Variants in BOLA3 observed in about 807,000 individuals in gnomAD.
BOLA3 encodes bolA-like protein 3.
Under a neutral mutation model 14.5 loss-of-function variants are expected in BOLA3, and 8 were observed. The ratio of observed to expected loss-of-function variants is 0.55; its 90% CI spans 0.32 to 0.99. The LOEUF is 0.99. Among genes scored for constraint, BOLA3 ranks in the 50% least tolerant of loss-of-function variants. The pLI, the probability that BOLA3 is intolerant of heterozygous loss-of-function variation, is 0.04. For synonymous variants in BOLA3, 42 were observed against 45.7 expected (o/e 0.92, Z 0.33); for missense variants, 115 against 138.2 (o/e 0.83, Z 0.84).
chr2:74,138,090 A>G (rs185940588), intron 3 of BOLA3, among the ~76,000 whole-genome samples: 1 of 152,142 alleles, frequency 6.6e-6, no homozygotes, highest in African/African-American at 2.4e-5. Flanking sequence ...CTCTCTGTGC[A>G]GCCCCTGAGG....
chr2:74,138,812 C>T (rs114898105), intron 3 of BOLA3, among the ~76,000 whole-genome samples: 1,767 of 152,286 alleles, frequency 0.012, 29 homozygotes, highest in African/African-American at 0.041. Flanking sequence ...GTGGCAGGCA[C>T]GACGCTGGGC....
chr2:74,146,519 G>A (rs1692548767), intron 1 of BOLA3: 1 of 152,416 alleles, frequency 6.6e-6, no homozygotes, highest in African/African-American at 2.4e-5. Flanking sequence ...TAACCTGCAG[G>A]AAACAGTGCC....
chr2:74,144,036 C>T (rs1359906506), intron 2 of BOLA3, among the ~76,000 whole-genome samples: 2 of 140,976 alleles, frequency 1.4e-5, no homozygotes, highest in Non-Finnish European at 3.0e-5. Context: ...GACACAGTCT[C>T]GCTCTGTCAC....
intron 1 of BOLA3, chr2:74,145,691 A>C: frequency 3.2e-6 from 1 of 308,068 alleles, no homozygotes; most frequent in Non-Finnish European, 6.4e-6. Context: ...CAGAGCCAGA[A>C]AAGCTGGATA....
At chr2:74,138,389 C>T (rs1692372790) in intron 3 of BOLA3, among the ~76,000 whole-genome samples, 1 of 152,376 alleles carries the variant, frequency 6.6e-6, no homozygotes, top group East Asian at 1.9e-4. Flanking sequence ...GACTGCCAGA[C>T]TCAAGCCAGC....
chr2:74,142,528 T>C (rs1692455428), intron 2 of BOLA3, among the ~76,000 whole-genome samples, 168 bp from the exon 3 acceptor site: 1 of 152,174 alleles, frequency 6.6e-6, no homozygotes, highest in Non-Finnish European at 1.5e-5. Context: ...TCTGACCACA[T>C]GCTCCTCCTG....
At chr2:74,136,751 G>A (rs374191482) in intron 3 of BOLA3, among the ~76,000 whole-genome samples, 8 of 151,986 alleles carry the variant, frequency 5.3e-5, no homozygotes, top group Non-Finnish European at 8.8e-5. Flanking sequence ...TTGTTATTTC[G>A]AGCATCAAGC....
In BOLA3 at chr2:74,142,430, A is replaced by T. The variant is rs1387088166; in HGVS notation, c.170-70T>A. ...GCAGCCATGGTCCCATATATCCTTG[A>T]AGTACTGTACAATCCAAAGGTCTGA... is the stretch of plus-strand genomic sequence containing the variant. On this transcript the variant is annotated intron_variant, in intron 2 of 3. Transcript: ENST00000327428. The T allele has an allele frequency of 4.3e-6, 5 of 1,162,728 alleles. No homozygotes were observed. The African/African-American group carries it at 7.6e-5, about 18-fold the overall frequency. The allele number at this position is 1,162,728 out of a possible 1,614,324, so 72.0% of individuals were successfully genotyped here.
intron 2 of BOLA3, among the ~76,000 whole-genome samples, chr2:74,144,762 T>C (rs912258428): frequency 2.0e-5 from 3 of 152,240 alleles, no homozygotes; most frequent in Non-Finnish European, 4.4e-5. Flanking sequence ...CTTTGGCCTC[T>C]CTGGGCTCAT....
chr2:74,145,415 C>T (rs1692525905), intron 1 of BOLA3, 112 bp from the exon 2 acceptor site: 1 of 748,182 alleles, frequency 1.3e-6, no homozygotes. Context: ...CCCCTGAGCC[C>T]TCGCCAGCAC....
intron 1 of BOLA3, chr2:74,146,817 G>A (rs183592866): frequency 6.6e-6 from 1 of 152,594 alleles, no homozygotes; most frequent in East Asian, 1.9e-4. Context: ...TCCCAGAGCT[G>A]ACCCCAGGGC....
At chr2:74,143,394 C>T (rs1021080824) in intron 2 of BOLA3, among the ~76,000 whole-genome samples, 14 of 152,086 alleles carry the variant, frequency 9.2e-5, no homozygotes, top group African/African-American at 3.1e-4. Flanking sequence ...CTCCTGACCT[C>T]GTGATCCACC....
intron 1 of BOLA3, chr2:74,147,058 T>G (rs371372268): frequency 5.2e-5 from 8 of 152,384 alleles, no homozygotes; most frequent in African/African-American, 1.9e-4. Flanking sequence ...AGTAACCAGA[T>G]GGCAGACAGA....
chr2:74,138,151 T>G (rs1341840739), intron 3 of BOLA3, among the ~76,000 whole-genome samples: 2 of 152,162 alleles, frequency 1.3e-5, no homozygotes, highest in African/African-American at 4.8e-5. Flanking sequence ...GTCTTAGAGA[T>G]CACCTGAGTC....
chr2:74,147,793 G>C (rs763757191), intron 1 of BOLA3, 28 bp downstream of exon 1: 3 of 1,529,968 alleles, frequency 2.0e-6, no homozygotes, highest in South Asian at 2.4e-5. Flanking sequence ...GTCCCGGGGA[G>C]AGCAGCCCCG....
At position 74,136,026 on chromosome 2, in the gene BOLA3, T is replaced by C. The variant is rs565468451; in HGVS notation, c.259-368A>G. Reference sequence around the variant, plus strand: ...GTGCAGTGGCGCGATATCGGCTTACTGCAAACTCCACCTCCTGGGCTCAAA... The same window carrying C: ...GTGCAGTGGCGCGATATCGGCTTACCGCAAACTCCACCTCCTGGGCTCAAA... On this transcript the variant is annotated intron_variant, in intron 3 of 3. Transcript: ENST00000327428. Among the ~76,000 whole-genome samples the C allele has an allele frequency of 2.8e-4, 42 of 151,744 alleles. 1 individual carries two copies. Among genetic ancestry groups the C allele is most frequent in the Admixed American group, 1.9e-3 (29 of 15,152 alleles).
At chr2:74,143,186 C>T (rs372113173) in intron 2 of BOLA3, among the ~76,000 whole-genome samples, 86 of 151,596 alleles carry the variant, frequency 5.7e-4, no homozygotes, top group African/African-American at 1.9e-3. Context: ...GATGGAGTCT[C>T]GCTCTGTCGC....
chr2:74,147,678 A>G (rs1269833585), intron 1 of BOLA3, 143 bp downstream of exon 1: 1 of 737,318 alleles, frequency 1.4e-6, no homozygotes, highest in Non-Finnish European at 2.3e-6. Context: ...AGAATGAATG[A>G]GAGAAAGGAA....
At chr2:74,140,670 C>G (rs1358535762) in intron 3 of BOLA3, among the ~76,000 whole-genome samples, 1 of 152,192 alleles carries the variant, frequency 6.6e-6, no homozygotes, top group African/African-American at 2.4e-5. Flanking sequence ...CAGCCCTTCC[C>G]CACCCCAGAC....
Sources: allele counts gnomAD v4.1 joint callset (sites outside exome capture counted in the v4.1 genomes callset), GRCh38; gene constraint gnomAD v4.1.1; transcripts MANE v1.5; gene names NCBI Gene and HGNC (gene_info 2026-07-23, HGNC 2026-07-21).